HADHB: variants seen among roughly 807,000 people sequenced by gnomAD.
HADHB encodes hydroxyacyl-CoA dehydrogenase trifunctional multienzyme complex subunit beta.
HADHB carries 50 observed loss-of-function variants against 61.9 expected under a neutral mutation model. The observed-to-expected ratio is 0.81, with a 90% CI of 0.64 to 1.02. The LOEUF is 1.02. HADHB is among the 50% of genes least tolerant of loss of function. HADHB has a pLI of 0.00. For missense variants in HADHB, 504 were observed against 586.5 expected, an observed-to-expected ratio of 0.86 and a Z score of 1.45; for synonymous variants, 191 against 201.6, an observed-to-expected ratio of 0.95 and a Z score of 0.45.
chr2:26,246,981 ATGTGGT>A (rs1671193525), intron 1 of HADHB, among the ~76,000 whole-genome samples: 1 of 152,192 alleles, frequency 6.6e-6, no homozygotes, highest in East Asian at 1.9e-4. Flanking sequence ...TGCGCGTCCT[ATGTGGT>A]TAAGTAACTG....
chr2:26,253,857 A>AAAATAAATAAATAAATAAAT (rs146843338), intron 1 of HADHB, among the ~76,000 whole-genome samples: 3 of 125,634 alleles, frequency 2.4e-5, no homozygotes, highest in South Asian at 2.7e-4. Flanking sequence ...CCATCTCAAA[A>AAAATAAATAAATAAATAAAT]AAATAAATAA....
At chr2:26,288,989 T>C (rs571603572) in intron 15 of HADHB, among the ~76,000 whole-genome samples, 1 of 152,232 alleles carries the variant, frequency 6.6e-6, no homozygotes, top group Non-Finnish European at 1.5e-5. Flanking sequence ...CAGTGGCTCA[T>C]GCCTGTAATC....
At position 26,285,397 on chromosome 2, in the gene HADHB, G is replaced by T; in HGVS notation, c.1225-10G>T. 1 of 1,611,404 alleles carries T rather than the reference G, an allele frequency of 6.2e-7. No individual in the cohort carries two copies. The highest frequency in any genetic ancestry group is 8.5e-7 in the Non-Finnish European group (1 of 1,177,770). On this transcript the variant is annotated splice_polypyrimidine_tract_variant and intron_variant, in intron 14 of 15. Coordinates refer to ENST00000317799, the MANE Select transcript of HADHB (RefSeq NM_000183.3). The stretch of plus-strand genomic sequence containing the variant: ...ACTTATCTTTACATTTGTGTCTTTG[G>T]GGGAGCCAGGTTGGATTGCCTCCTT...
At chr2:26,258,657 A>C (rs1319680735) in intron 3 of HADHB, among the ~76,000 whole-genome samples, 1 of 152,214 alleles carries the variant, frequency 6.6e-6, no homozygotes, top group Non-Finnish European at 1.5e-5. Context: ...GCCAGAACAA[A>C]CATGGACCAG....
In HADHB at chr2:26,256,285, AT is replaced by A. The variant is rs112304459; in HGVS notation, c.109+1821del. Among the ~76,000 whole-genome samples the A allele has an allele frequency of 6.5e-3, 970 of 150,182 alleles. 8 individuals carry two copies. The highest frequency in any genetic ancestry group is 0.022 in the African/African-American group (904 of 41,024). On this transcript the variant is annotated intron_variant, in intron 3 of 15. Coordinates refer to ENST00000317799, the MANE Select transcript of HADHB (RefSeq NM_000183.3). ...GCTGAGCAGGTTTTAGGTTGCAGTA[AT>A]TTTTTTTTTGTTTTAACTGGCATTC...
At chr2:26,261,339 C>A (rs1273736989) in intron 3 of HADHB, 1 of 341,614 alleles carries the variant, frequency 2.9e-6, no homozygotes, top group African/African-American at 2.1e-5. Context: ...TCTCTGCTTT[C>A]CTTCTGTATT....
rs1553324111 is a variant in HADHB, at chr2:26,289,981, T to C, written c.*28T>C. The C allele has an allele frequency of 1.3e-6, 2 of 1,502,954 alleles. No individual in the cohort carries two copies. Among genetic ancestry groups the C allele is most frequent in the Non-Finnish European group, 9.3e-7 (1 of 1,078,764 alleles). The allele number at this position is 1,502,954 out of a possible 1,614,324, so 93.1% of individuals were successfully genotyped here. A position where few individuals can be genotyped will look rare whatever the true frequency, so the allele number is the denominator to read the frequency against. Reference sequence around the variant, plus strand: ...GATCCAGAAGAAGTGACCTGAAGTTTCTGTGCAACACTCACACTAGGCAAT... The same window carrying C: ...GATCCAGAAGAAGTGACCTGAAGTTCCTGTGCAACACTCACACTAGGCAAT... On this transcript the variant is annotated 3_prime_UTR_variant, in exon 16 of 16. Transcript: ENST00000317799.
At position 26,253,860 on chromosome 2, in the gene HADHB, ATAAAT is replaced by A. The variant is rs201931200; in HGVS notation, c.-8-386_-8-382del. Among the ~76,000 whole-genome samples, 50 of 134,530 alleles carry A rather than the reference ATAAAT, an allele frequency of 3.7e-4. 1 individual carries two copies. The highest frequency in any genetic ancestry group is 4.4e-4 in the Non-Finnish European group (28 of 63,734). 88.3% of individuals were successfully genotyped at this position (134,530 alleles called of 152,430 possible). A position where few individuals can be genotyped will look rare whatever the true frequency, so the allele number is the denominator to read the frequency against. On this transcript the variant is annotated intron_variant, in intron 1 of 15. Coordinates refer to ENST00000317799, the MANE Select transcript of HADHB (RefSeq NM_000183.3). ...AAGAGCAAAACTCCATCTCAAAAAAATAAATAAATAAATAAATAAATAAATAAATA... is the reference window on the plus strand; with the variant it reads ...AAGAGCAAAACTCCATCTCAAAAAAAAAATAAATAAATAAATAAATAAATA...
At chr2:26,289,379 C>A (rs1003954739) in intron 15 of HADHB, among the ~76,000 whole-genome samples, 4 of 152,148 alleles carry the variant, frequency 2.6e-5, no homozygotes, top group African/African-American at 9.7e-5. Flanking sequence ...ATCATCTAGA[C>A]CTGGTTTCAA....
At chr2:26,271,181 C>T (rs1285604085) in intron 5 of HADHB, among the ~76,000 whole-genome samples, 1 of 150,548 alleles carries the variant, frequency 6.6e-6, no homozygotes, top group Non-Finnish European at 1.5e-5. Context: ...AGGTGTGAGC[C>T]ACTGCGCCCG....
intron 1 of HADHB, among the ~76,000 whole-genome samples, chr2:26,249,490 G>A (rs937609771): frequency 2.6e-5 from 4 of 152,056 alleles, no homozygotes; most frequent in Admixed American, 6.6e-5. Flanking sequence ...CAGCCTGGGC[G>A]ACAGAGTGAG....
rs1041353886 is a variant in HADHB at position 26,244,944 on chromosome 2, G to C, written c.-55G>C. 1.5e-5 allele frequency: 6 copies of C among 387,354 alleles called. No homozygotes were observed. Among genetic ancestry groups the C allele is most frequent in the Non-Finnish European group, 3.0e-5 (6 of 202,352 alleles). The allele number at this position is 387,354 out of a possible 1,614,324, so 24.0% of individuals were successfully genotyped here. ...TGGTCCCGCAGAGCCTTGGTACTTGGACCTGAACCTTGCTCCGAGAGGGAG... is the reference window on the plus strand; with the variant it reads ...TGGTCCCGCAGAGCCTTGGTACTTGCACCTGAACCTTGCTCCGAGAGGGAG... On this transcript the variant is annotated 5_prime_UTR_variant, in exon 1 of 16. Transcript: ENST00000317799.
chr2:26,277,232 ACT>A, intron 7 of HADHB, 72 bp downstream of exon 7: 23 of 515,436 alleles, frequency 4.5e-5, no homozygotes, highest in East Asian at 7.1e-5. Context: ...ATAAAAATGT[ACT>A]TTTTTTTTTT....
chr2:26,288,966 T>C (rs1673153549), intron 15 of HADHB, among the ~76,000 whole-genome samples: 1 of 152,072 alleles, frequency 6.6e-6, no homozygotes, highest in Non-Finnish European at 1.5e-5. Context: ...GATATTCTAC[T>C]TCTGGCCGGG....
chr2:26,287,163 C>T (rs1673069759), intron 15 of HADHB, among the ~76,000 whole-genome samples: 1 of 152,044 alleles, frequency 6.6e-6, no homozygotes, highest in Non-Finnish European at 1.5e-5. Flanking sequence ...GAGATGGCGC[C>T]ATTGCACTCC....
chr2:26,269,550 C>G (rs752065283), intron 4 of HADHB, among the ~76,000 whole-genome samples: 4 of 152,120 alleles, frequency 2.6e-5, no homozygotes, highest in Admixed American at 6.5e-5. Context: ...CAAAAAGTTT[C>G]TTCAAAAGTC....
rs530807623 is a variant in HADHB at position 26,279,143 on chromosome 2, G to A, written c.639G>A (p.Ala213=). ...RFNFLAPELP[A]VSEFSTSETM... ...GATATCTCCTTTCCCAGCTCCCTGC[G>A]GTTTCTGAGTTCTCCACCAGTGAGA... The change falls in exon 9 of 16, where the codon GCG becomes GCA. Residue 213 remains alanine (A), a synonymous_variant. Coordinates refer to ENST00000317799, the MANE Select transcript of HADHB (RefSeq NM_000183.3). 7 of 1,613,490 alleles carry A rather than the reference G, an allele frequency of 4.3e-6. No individual in the cohort carries two copies. The highest frequency in any genetic ancestry group is 2.7e-5 in the African/African-American group (2 of 74,994).
intron 1 of HADHB, among the ~76,000 whole-genome samples, chr2:26,253,627 G>A (rs1037987955): frequency 6.6e-6 from 1 of 152,006 alleles, no homozygotes; most frequent in Non-Finnish European, 1.5e-5. Flanking sequence ...CCAAGGCGAT[G>A]GATCACCTGA....
chr2:26,282,485 C>T (rs1672834578), intron 10 of HADHB, among the ~76,000 whole-genome samples: 1 of 152,006 alleles, frequency 6.6e-6, no homozygotes, highest in South Asian at 2.1e-4. Context: ...TGGTCTCAAT[C>T]ACCTGCCTCA....
Sources: gnomAD v4.1 joint callset for allele counts (sites outside exome capture counted in the v4.1 genomes callset) on GRCh38, gnomAD v4.1.1 for gene constraint, MANE v1.5 for transcripts, NCBI Gene and HGNC (gene_info 2026-07-23, HGNC 2026-07-21) for gene names.